The following PIK3C2G variants were observed in gnomAD, a reference collection of about 807,000 sequenced individuals.
PIK3C2G encodes the protein phosphatidylinositol 3-kinase C2 domain-containing subunit gamma.
Under a neutral mutation model 181.1 loss-of-function variants are expected in PIK3C2G, and 168 were observed. That is an observed-to-expected ratio of 0.93 (90% CI 0.82 to 1.05). PIK3C2G has a LOEUF of 1.05. PIK3C2G is among the 50% of genes least tolerant of loss of function. PIK3C2G has a pLI of 0.00. For missense variants in PIK3C2G, 1,869 were observed against 1,732.8 expected (o/e 1.08, Z -1.40); for synonymous variants, 573 against 592.2 (o/e 0.97, Z 0.47).
At chr12:18,481,078 A>G (rs770553913) in intron 18 of PIK3C2G, among the ~76,000 whole-genome samples, 2 of 147,488 alleles carry the variant, frequency 1.4e-5, no homozygotes, top group Non-Finnish European at 3.0e-5. Flanking sequence ...GACTACAGGC[A>G]CATGCCACCA....
At chr12:18,548,105 G>A (rs1251370102) in intron 26 of PIK3C2G, among the ~76,000 whole-genome samples, 2 of 151,930 alleles carry the variant, frequency 1.3e-5, no homozygotes, top group African/African-American at 2.4e-5. Flanking sequence ...GTGGGTTTAC[G>A]TGGTAGCAAA....
At chr12:18,491,939 T>G (rs138180119) in intron 20 of PIK3C2G, among the ~76,000 whole-genome samples, 19 of 152,322 alleles carry the variant, frequency 1.2e-4, no homozygotes, top group South Asian at 1.0e-3. Flanking sequence ...CCATACCTAG[T>G]ACACGAACAT....
At chr12:18,322,768 A>T (rs1298506114) in intron 7 of PIK3C2G, among the ~76,000 whole-genome samples, 1 of 152,170 alleles carries the variant, frequency 6.6e-6, no homozygotes, top group South Asian at 2.1e-4. Flanking sequence ...CCATAAAATC[A>T]TAGAATGGCT....
chr12:18,393,279 A>T (rs1433811522), intron 15 of PIK3C2G, among the ~76,000 whole-genome samples: 2 of 152,064 alleles, frequency 1.3e-5, no homozygotes, highest in African/African-American at 4.8e-5. Context: ...ACCCACTCAA[A>T]TAAAATTATT....
At chr12:18,676,632 C>T in the PIK3C2G span, among the ~76,000 whole-genome samples, 1 of 152,060 alleles carries the variant, frequency 6.6e-6, no homozygotes, top group African/African-American at 2.4e-5. Context: ...ATCAGTCTAG[C>T]AAGATGAAAG....
At chr12:18,280,272 TG>T (rs1949155274) in intron 1 of PIK3C2G, among the ~76,000 whole-genome samples, 1 of 151,936 alleles carries the variant, frequency 6.6e-6, no homozygotes, top group African/African-American at 2.4e-5. Context: ...ATAACAAATA[TG>T]GTCTGATGAT....
chr12:18,335,753 A>G (rs1175967304), intron 8 of PIK3C2G, among the ~76,000 whole-genome samples: 1 of 152,188 alleles, frequency 6.6e-6, no homozygotes, highest in Admixed American at 6.5e-5. Flanking sequence ...TACAATTGCA[A>G]TCTTTTACTT....
intron 16 of PIK3C2G, among the ~76,000 whole-genome samples, chr12:18,404,302 C>G (rs1944403624): frequency 6.6e-6 from 1 of 152,072 alleles, no homozygotes; most frequent in Non-Finnish European, 1.5e-5. Context: ...GATGGTGTAT[C>G]TTTTCCATTT....
intron 32 of PIK3C2G, among the ~76,000 whole-genome samples, chr12:18,644,754 G>A (rs1313045181): frequency 1.3e-5 from 2 of 152,058 alleles, no homozygotes; most frequent in Admixed American, 6.6e-5. Context: ...CATGGTTACC[G>A]CACTACACTA....
At chr12:18,599,472 G>A (rs1947575459) in intron 30 of PIK3C2G, among the ~76,000 whole-genome samples, 1 of 151,722 alleles carries the variant, frequency 6.6e-6, no homozygotes, top group African/African-American at 2.4e-5. Flanking sequence ...CACAGGAAGG[G>A]GAACATCACA....
At chr12:18,582,080 T>A (rs2136428045) in intron 29 of PIK3C2G, among the ~76,000 whole-genome samples, 1 of 151,948 alleles carries the variant, frequency 6.6e-6, no homozygotes, top group Non-Finnish European at 1.5e-5. Flanking sequence ...ATTAGTGAAA[T>A]GAAGAAAAAC....
the PIK3C2G span, among the ~76,000 whole-genome samples, chr12:18,665,979 G>A: frequency 2.6e-5 from 4 of 151,314 alleles, no homozygotes; most frequent in Admixed American, 6.6e-5. Flanking sequence ...CATGCCTGAG[G>A]TATGGAGCTA....
At chr12:18,268,717 A>C (rs2137039360) in intron 1 of PIK3C2G, among the ~76,000 whole-genome samples, 1 of 152,286 alleles carries the variant, frequency 6.6e-6, no homozygotes, top group Non-Finnish European at 1.5e-5. Flanking sequence ...ATATTTTAAA[A>C]AATAATTTTA....
the PIK3C2G span, among the ~76,000 whole-genome samples, chr12:18,704,710 ACTTCAGTATG>A: frequency 1.3e-5 from 2 of 152,130 alleles, no homozygotes; most frequent in Non-Finnish European, 2.9e-5. Flanking sequence ...CAAAGCAAAT[ACTTCAGTATG>A]CTCAAATTAA....
intron 4 of PIK3C2G, among the ~76,000 whole-genome samples, chr12:18,292,224 AAAAATATATATATATATAT>A (rs1011389571): frequency 3.8e-5 from 4 of 105,858 alleles, no homozygotes; most frequent in African/African-American, 1.6e-4. Context: ...AAAAAAAAAA[AAAAATATATATATATATAT>A]ATATATATAT....
intron 24 of PIK3C2G, among the ~76,000 whole-genome samples, chr12:18,513,282 G>C (rs1272068378): frequency 6.6e-6 from 1 of 151,522 alleles, no homozygotes; most frequent in African/African-American, 2.4e-5. Context: ...GCTTTTCTGG[G>C]TTTGATATCA....
chr12:18,257,806 A>G (rs1283705713), upstream of PIK3C2G, among the ~76,000 whole-genome samples: 2 of 148,382 alleles, frequency 1.3e-5, no homozygotes, highest in Non-Finnish European at 3.0e-5. Flanking sequence ...AAGAAAAGAA[A>G]GAAAGAAGGA....
chr12:18,375,431 A>C (rs1942367520), intron 13 of PIK3C2G, among the ~76,000 whole-genome samples: 1 of 152,210 alleles, frequency 6.6e-6, no homozygotes, highest in African/African-American at 2.4e-5. Context: ...AGCATCCAAG[A>C]GGTGGCCTGG....
rs531707647 is a variant in PIK3C2G at position 18,512,257 on chromosome 12, A to G, written c.3323+6796A>G. On this transcript the variant is annotated intron_variant, in intron 24 of 32. Coordinates refer to ENST00000538779, the MANE Select transcript of PIK3C2G (RefSeq NM_001288772.2). ...TGAAGTTGGGTAGTGTGATTCCTCT[A>G]GCTTTGTTCTTTTTGCTCAAGATTG... Among the ~76,000 whole-genome samples, 8 of 151,902 alleles carry G rather than the reference A, an allele frequency of 5.3e-5. No homozygotes were observed. The East Asian group carries it at 1.2e-3, about 22-fold the overall frequency.
Sources: allele counts gnomAD v4.1 joint callset (sites outside exome capture counted in the v4.1 genomes callset), GRCh38; gene constraint gnomAD v4.1.1; transcripts MANE v1.5; gene names NCBI Gene and HGNC (gene_info 2026-07-23, HGNC 2026-07-21).